EME2: variants seen among roughly 807,000 people sequenced by gnomAD.
EME2 encodes essential meiotic structure-specific endonuclease subunit 2.
EME2 carries 58 observed loss-of-function variants against 41.9 expected under a neutral mutation model. That is an observed-to-expected ratio of 1.38 (90% CI 1.12 to 1.72). The LOEUF (loss-of-function observed/expected upper bound fraction) is 1.72. Ranked by LOEUF, EME2 falls within the 40% of genes most tolerant of loss-of-function variation. The probability of loss-of-function intolerance (pLI) is 0.00; values close to 1 mark genes in which losing one functional copy is unlikely to be tolerated. For missense variants in EME2, 695 were observed against 541.9 expected (o/e 1.28, Z -2.81); for synonymous variants, 334 against 239.3 (o/e 1.40, Z -3.65).
chr16:1,776,038 GC>G (rs1778578789), intron 7 of EME2, 29 bp from the exon 8 acceptor site: 1 of 1,605,340 alleles, frequency 6.2e-7, no homozygotes, highest in African/African-American at 1.3e-5. Context: ...CCGTCCCCAG[GC>G]GCCCTCTCAT....
Position 1,773,354 on chromosome 16 carries a change from G to C in EME2, c.127G>C (p.Gly43Arg), listed in dbSNP as rs572288415. 2 of 1,520,216 alleles carry C rather than the reference G, an allele frequency of 1.3e-6. No homozygotes were observed. Among genetic ancestry groups the C allele is most frequent in the East Asian group, 5.0e-5 (2 of 39,920 alleles). 94.2% of individuals were successfully genotyped at this position (1,520,216 alleles called of 1,614,324 possible). Residue 43 changes from glycine (G) to arginine (R), a missense_variant, in exon 1 of 8, where the codon GGC (glycine) becomes CGC (arginine). Coordinates refer to ENST00000568449, the MANE Select transcript of EME2 (RefSeq NM_001257370.2). The part of the protein sequence containing the change: ...ISDSDAEDSA[G>R]SEAAARARDP... ...AGACTCCGACGCTGAGGACTCCGCC[G>C]GCTCGGAGGCCGCCGCGAGAGCCCG...
Position 1,775,690 on chromosome 16 carries a change from T to A in EME2, c.779+6T>A. ...CTCGCCCAGTATCCCCTCAAGTGCG[T>A]GATGCCAAGGCTGAAGGGGGGCAGG... On this transcript the variant is annotated splice_donor_region_variant and intron_variant, in intron 6 of 7. Transcript: ENST00000568449. The A allele has an allele frequency of 1.2e-6, 2 of 1,612,916 alleles. No homozygotes were observed. Among genetic ancestry groups the A allele is most frequent in the Non-Finnish European group, 8.5e-7 (1 of 1,180,008 alleles).
In EME2 at chr16:1,774,833, C is replaced by CA; in HGVS notation, c.478-207dup. 4.7e-6 allele frequency: 3 copies of CA among 633,166 alleles called. No homozygotes were observed. The South Asian group carries it at 5.5e-5, about 12-fold the overall frequency. 39.2% of individuals were successfully genotyped at this position (633,166 alleles called of 1,614,324 possible). On this transcript the variant is annotated intron_variant, in intron 3 of 7. Coordinates refer to ENST00000568449, the MANE Select transcript of EME2 (RefSeq NM_001257370.2). ...TCAATGGAACTGACATGTGCCCGAG[C>CA]AGCCACTCCAGGGTCTCCTTAGCCT...
At position 1,778,705 on chromosome 16, in the gene EME2, A is replaced by C; in HGVS notation, c.*2467A>C. On this transcript the variant is annotated 3_prime_UTR_variant, in exon 8 of 8. Transcript: ENST00000568449. Reference sequence around the variant, plus strand: ...CCCTGTCCCACCCTGTCCCTGACCCACCCAGGAAAGGATGGGGGTCCAGGC... The same window carrying C: ...CCCTGTCCCACCCTGTCCCTGACCCCCCCAGGAAAGGATGGGGGTCCAGGC... 7.1e-7 allele frequency: 1 copy of C among 1,414,144 alleles called. No homozygotes were observed. The highest frequency in any genetic ancestry group is 9.4e-7 in the Non-Finnish European group (1 of 1,069,008). 87.6% of individuals were successfully genotyped at this position (1,414,144 alleles called of 1,614,324 possible). A position where few individuals can be genotyped will look rare whatever the true frequency, so the allele number is the denominator to read the frequency against.
Position 1,776,837 on chromosome 16 carries a change from C to G in EME2, c.*599C>G, listed in dbSNP as rs1162390998. ...CCCTGTGGGAACAGCAACGCGGGCT[C>G]CAGCCAGGCTCTCGTCCTCGCAGCC... On this transcript the variant is annotated 3_prime_UTR_variant, in exon 8 of 8. Coordinates refer to ENST00000568449, the MANE Select transcript of EME2 (RefSeq NM_001257370.2). 1 of 534,872 alleles carries G rather than the reference C, an allele frequency of 1.9e-6. No homozygotes were observed. The highest frequency in any genetic ancestry group is 3.5e-5 in the Admixed American group (1 of 28,528). 33.1% of individuals were successfully genotyped at this position (534,872 alleles called of 1,614,324 possible).
rs1416570336 is a variant in EME2, at chr16:1,777,776, AGT to A, written c.*1542_*1543del. 6.2e-7 allele frequency: 1 copy of A among 1,612,582 alleles called. No homozygotes were observed. Among genetic ancestry groups the A allele is most frequent in the Non-Finnish European group, 8.5e-7 (1 of 1,179,908 alleles). ...ACACTTCCTGTTCTTGAAAAAGGTG[AGT>A]GTGCCGTGCCAGGTGTCCAGGTGCA... On this transcript the variant is annotated 3_prime_UTR_variant, in exon 8 of 8. Coordinates refer to ENST00000568449, the MANE Select transcript of EME2 (RefSeq NM_001257370.2).
At position 1,781,472 on chromosome 16, in the gene EME2, G is replaced by A. The variant is rs1896710790; in HGVS notation, c.*5234G>A. On this transcript the variant is annotated 3_prime_UTR_variant, in exon 8 of 8. Coordinates refer to ENST00000568449, the MANE Select transcript of EME2 (RefSeq NM_001257370.2). The stretch of plus-strand genomic sequence containing the variant: ...AGTGCCAGGCCCTGCTGTTCCGGGG[G>A]CGTCTGGCCATGGTGGAAAGAATCT... The A allele has an allele frequency of 6.2e-7, 1 of 1,612,518 alleles. No individual in the cohort carries two copies. The highest frequency in any genetic ancestry group is 8.5e-7 in the Non-Finnish European group (1 of 1,179,864).
At chr16:1,774,497 G>A (rs533473426) in intron 3 of EME2, 145 bp downstream of exon 3, 5 of 662,702 alleles carry the variant, frequency 7.5e-6, no homozygotes, top group African/African-American at 1.8e-5. Context: ...ATCCAAAGCC[G>A]TAGAGGTTTC....
rs1460339769 is a variant in EME2 at position 1,778,718 on chromosome 16, T to TG, written c.*2485dup. The TG allele has an allele frequency of 3.0e-6, 4 of 1,329,108 alleles. No homozygotes were observed. The highest frequency in any genetic ancestry group is 2.0e-6 in the Non-Finnish European group (2 of 995,730). The allele number at this position is 1,329,108 out of a possible 1,614,324, so 82.3% of individuals were successfully genotyped here. On this transcript the variant is annotated 3_prime_UTR_variant, in exon 8 of 8. Transcript: ENST00000568449. Reference sequence around the variant, plus strand: ...TGTCCCTGACCCACCCAGGAAAGGATGGGGGTCCAGGCCTCCAGGGACTTC... The same window carrying TG: ...TGTCCCTGACCCACCCAGGAAAGGATGGGGGGTCCAGGCCTCCAGGGACTTC...
Position 1,772,937 on chromosome 16 carries a change from CTCGCGGCGCACGTCG to C in EME2, c.-290_-276del. The C allele has an allele frequency of 6.9e-7, 1 of 1,446,912 alleles. No homozygotes were observed. The highest frequency in any genetic ancestry group is 1.4e-5 in the South Asian group (1 of 70,164). 89.6% of individuals were successfully genotyped at this position (1,446,912 alleles called of 1,614,324 possible). ...GGCCGAGCAGCTGCAAGAGGCGGCT[CTCGCGGCGCACGTCG>C]GCCCAGGCCCGGACCGGCAGCCGGC... On this transcript the variant is annotated 5_prime_UTR_variant, in exon 1 of 8. Transcript: ENST00000568449.
chr16:1,776,214 TCTC>T lies in EME2; in HGVS notation c.1119_1121del (p.Leu375del), dbSNP rs1388761628. 2.5e-6 allele frequency: 4 copies of T among 1,612,392 alleles called. No individual in the cohort carries two copies. Among genetic ancestry groups the T allele is most frequent in the African/African-American group, 2.7e-5 (2 of 74,920 alleles). The stretch of plus-strand genomic sequence containing the variant: ...TCTTCCTGACCACAGCCAACCCTGA[TCTC>T]CTGCTGGACCTGGGCTCCTGACCAC... On this transcript the variant is annotated inframe_deletion, in exon 8 of 8. Transcript: ENST00000568449.
At position 1,781,300 on chromosome 16, in the gene EME2, G is replaced by GC. The variant is rs1896699745; in HGVS notation, c.*5064dup. 1 of 1,612,408 alleles carries GC rather than the reference G, an allele frequency of 6.2e-7. No individual in the cohort carries two copies. Among genetic ancestry groups the GC allele is most frequent in the African/African-American group, 1.3e-5 (1 of 74,916 alleles). On this transcript the variant is annotated 3_prime_UTR_variant, in exon 8 of 8. Coordinates refer to ENST00000568449, the MANE Select transcript of EME2 (RefSeq NM_001257370.2). ...GTGTTCAGGTAATGTCTGCCTGCCT[G>GC]CCTAGGGCATCTCCACACCTTAGGC...
rs772109915 is a variant in EME2 at position 1,778,559 on chromosome 16, G to A, written c.*2321G>A. On this transcript the variant is annotated 3_prime_UTR_variant, in exon 8 of 8. Transcript: ENST00000568449. ...ACTCGCCGGTCACGGGCACCGCACT[G>A]GGGATGGATGGCGGCAGCGTGGAGT... 1 of 1,601,004 alleles carries A rather than the reference G, an allele frequency of 6.2e-7. No individual in the cohort carries two copies. The highest frequency in any genetic ancestry group is 1.1e-5 in the South Asian group (1 of 90,658).
Position 1,781,151 on chromosome 16 carries a change from CCT to C in EME2, c.*4914_*4915del, listed in dbSNP as rs1896691905. On this transcript the variant is annotated 3_prime_UTR_variant, in exon 8 of 8. Transcript: ENST00000568449. ...CAGTGTGTTCTGAGGTCCTGTCACC[CCT>C]GAGGCTGTGTGTGTCCTTTGCCAAA... The C allele has an allele frequency of 1.3e-6, 2 of 1,523,318 alleles. No homozygotes were observed. The highest frequency in any genetic ancestry group is 1.8e-6 in the Non-Finnish European group (2 of 1,138,634). 94.4% of individuals were successfully genotyped at this position (1,523,318 alleles called of 1,614,324 possible). A position where few individuals can be genotyped will look rare whatever the true frequency, so the allele number is the denominator to read the frequency against.
intron 1 of EME2, 43 bp downstream of exon 1, chr16:1,773,517 T>C: frequency 6.4e-7 from 1 of 1,559,064 alleles, no homozygotes; most frequent in Non-Finnish European, 8.6e-7. Flanking sequence ...AGGAAAGGCC[T>C]TTCTCCGCCA....
rs201090527 is a variant in EME2 at position 1,781,466 on chromosome 16, C to G, written c.*5228C>G. The G allele has an allele frequency of 3.1e-6, 5 of 1,612,506 alleles. No homozygotes were observed. Among genetic ancestry groups the G allele is most frequent in the Non-Finnish European group, 2.5e-6 (3 of 1,179,912 alleles). The stretch of plus-strand genomic sequence containing the variant: ...GGACGAAGTGCCAGGCCCTGCTGTT[C>G]CGGGGGCGTCTGGCCATGGTGGAAA... On this transcript the variant is annotated 3_prime_UTR_variant, in exon 8 of 8. Coordinates refer to ENST00000568449, the MANE Select transcript of EME2 (RefSeq NM_001257370.2).
rs765680620 is a variant in EME2 at position 1,775,663 on chromosome 16, C to T, written c.758C>T (p.Ala253Val). The T allele has an allele frequency of 5.6e-6, 9 of 1,612,830 alleles. No homozygotes were observed. In the East Asian group the frequency reaches 8.9e-5, roughly 16 times the overall value. Residue 253 changes from alanine to valine, a missense_variant, in exon 6 of 8, where the codon GCT becomes GTT. Physicochemically the swap from Ala to Val is moderately conservative, Grantham distance 64 (BLOSUM62 0). Coordinates refer to ENST00000568449, the MANE Select transcript of EME2 (RefSeq NM_001257370.2). ...LSRHVCAVTK[A>V]LAQYPLKQYR... ...CGGCACGTGTGCGCCGTTACCAAGGCTCTCGCCCAGTATCCCCTCAAGTGC... is the reference window on the plus strand; with the variant it reads ...CGGCACGTGTGCGCCGTTACCAAGGTTCTCGCCCAGTATCCCCTCAAGTGC...
intron 1 of EME2, 103 bp downstream of exon 1, chr16:1,773,577 G>A (rs1418824273): frequency 6.6e-7 from 1 of 1,518,408 alleles, no homozygotes; most frequent in African/African-American, 1.4e-5. Context: ...GAGGGGCCTG[G>A]GGCCGGGCCC....
At position 1,781,224 on chromosome 16, in the gene EME2, G is replaced by C. The variant is rs957079867; in HGVS notation, c.*4986G>C. ...CGGTGCATCCAGGAGACAGGCCCAG[G>C]TTTGGACTGGTCCTCTAGCCTCAGA... is the stretch of plus-strand genomic sequence containing the variant. On this transcript the variant is annotated 3_prime_UTR_variant, in exon 8 of 8. Coordinates refer to ENST00000568449, the MANE Select transcript of EME2 (RefSeq NM_001257370.2). 1.0e-5 allele frequency: 16 copies of C among 1,583,546 alleles called. No individual in the cohort carries two copies. Among genetic ancestry groups the C allele is most frequent in the African/African-American group, 1.3e-5 (1 of 74,470 alleles).
Sources: gnomAD v4.1 joint callset for allele counts on GRCh38, gnomAD v4.1.1 for gene constraint, MANE v1.5 for transcripts, NCBI Gene and HGNC (gene_info 2026-07-23, HGNC 2026-07-21) for gene names.